RPS23: variants seen among roughly 807,000 people sequenced by gnomAD.
The protein encoded by RPS23 is ribosomal protein S23.
For missense variants in RPS23, 73 were observed against 174.5 expected (o/e 0.42, Z 3.28); for synonymous variants, 66 against 60.4 (o/e 1.09, Z -0.43).
At position 82,275,027 on chromosome 5, in the gene RPS23, G is replaced by T; in HGVS notation, c.*1082C>A. ...TTGCTGGAGCACAAAGTGCCAAGGAGAGAAATGGCAGGCTAAGGCTGGAAT... is the reference window on the plus strand; with the variant it reads ...TTGCTGGAGCACAAAGTGCCAAGGATAGAAATGGCAGGCTAAGGCTGGAAT... On this transcript the variant is annotated 3_prime_UTR_variant, in exon 4 of 4. Coordinates refer to ENST00000296674, the MANE Select transcript of RPS23 (RefSeq NM_001025.5). The T allele has an allele frequency of 1.8e-6, 1 of 569,858 alleles. No individual in the cohort carries two copies. Among genetic ancestry groups the T allele is most frequent in the Non-Finnish European group, 3.1e-6 (1 of 319,962 alleles). 35.3% of individuals were successfully genotyped at this position (569,858 alleles called of 1,614,324 possible).
Position 82,277,676 on chromosome 5 carries a change from G to A in RPS23, c.164+17C>T, listed in dbSNP as rs1451217064. On this transcript the variant is annotated intron_variant, in intron 2 of 3. Transcript: ENST00000296674. Reference sequence around the variant, plus strand: ...TTCCTATAATAAACTAAAACTTGACGGGAGCAATGGACTTACACTTTTTCC... The same window carrying A: ...TTCCTATAATAAACTAAAACTTGACAGGAGCAATGGACTTACACTTTTTCC... The A allele has an allele frequency of 2.5e-6, 4 of 1,612,040 alleles. No homozygotes were observed. Among genetic ancestry groups the A allele is most frequent in the African/African-American group, 1.3e-5 (1 of 74,874 alleles).
rs761960731 is a variant in RPS23, at chr5:82,275,470, C to T, written c.*639G>A. ...AAGATACTGAAAACATCAGTCTTGT[C>T]GTATACCTTATCTCCCTTGCCTGGC... On this transcript the variant is annotated 3_prime_UTR_variant, in exon 4 of 4. Transcript: ENST00000296674. The T allele has an allele frequency of 4.2e-5, 26 of 619,970 alleles. No individual in the cohort carries two copies. The highest frequency in any genetic ancestry group is 1.8e-4 in the Admixed American group (7 of 38,860). 38.4% of individuals were successfully genotyped at this position (619,970 alleles called of 1,614,324 possible).
At position 82,274,719 on chromosome 5, in the gene RPS23, T is replaced by G. The variant is rs1747733248; in HGVS notation, c.*1390A>C. ...CCGCATCACAAAGGATTGGGTCAGT[T>G]AAGGCTCATCCGAAAGCATCTGTTG... On this transcript the variant is annotated 3_prime_UTR_variant, in exon 4 of 4. Coordinates refer to ENST00000296674, the MANE Select transcript of RPS23 (RefSeq NM_001025.5). 6.3e-6 allele frequency: 1 copy of G among 157,504 alleles called. No individual in the cohort carries two copies. The allele number at this position is 157,504 out of a possible 1,614,324, so 9.8% of individuals were successfully genotyped here. A position where few individuals can be genotyped will look rare whatever the true frequency, so the allele number is the denominator to read the frequency against.
At position 82,275,124 on chromosome 5, in the gene RPS23, T is replaced by C. The variant is rs1747744071; in HGVS notation, c.*985A>G. The C allele has an allele frequency of 7.4e-6, 5 of 671,960 alleles. No homozygotes were observed. The highest frequency in any genetic ancestry group is 1.6e-5 in the South Asian group (1 of 61,950). 41.6% of individuals were successfully genotyped at this position (671,960 alleles called of 1,614,324 possible). On this transcript the variant is annotated 3_prime_UTR_variant, in exon 4 of 4. Coordinates refer to ENST00000296674, the MANE Select transcript of RPS23 (RefSeq NM_001025.5). The stretch of plus-strand genomic sequence containing the variant: ...GTTCTGCTCTTGATCCTACGGAAAG[T>C]GGGCAACCAAACCAATTGTTTTCCA...
intron 2 of RPS23, 72 bp downstream of exon 2, chr5:82,277,621 A>G: frequency 1.3e-6 from 2 of 1,485,644 alleles, no homozygotes; most frequent in Non-Finnish European, 1.9e-6. Flanking sequence ...ATTACTTTCA[A>G]AACAAGAATT....
In RPS23 at chr5:82,274,700, C is replaced by T. The variant is rs1345312786; in HGVS notation, c.*1409G>A. The T allele has an allele frequency of 6.5e-6, 1 of 153,104 alleles. No homozygotes were observed. The highest frequency in any genetic ancestry group is 1.5e-5 in the Non-Finnish European group (1 of 68,724). The allele number at this position is 153,104 out of a possible 1,614,324, so 9.5% of individuals were successfully genotyped here. A position where few individuals can be genotyped will look rare whatever the true frequency, so the allele number is the denominator to read the frequency against. ...CGAGGCCTAGCAATCTCTCCCGCAT[C>T]ACAAAGGATTGGGTCAGTTAAGGCT... On this transcript the variant is annotated 3_prime_UTR_variant, in exon 4 of 4. Coordinates refer to ENST00000296674, the MANE Select transcript of RPS23 (RefSeq NM_001025.5).
Position 82,277,994 on chromosome 5 carries a change from G to C in RPS23, c.5-142C>G, listed in dbSNP as rs1179551296. 3 of 796,726 alleles carry C rather than the reference G, an allele frequency of 3.8e-6. No homozygotes were observed. The African/African-American group carries it at 5.2e-5, about 14-fold the overall frequency. The allele number at this position is 796,726 out of a possible 1,614,324, so 49.4% of individuals were successfully genotyped here. On this transcript the variant is annotated intron_variant, in intron 1 of 3. Transcript: ENST00000296674. Reference sequence around the variant, plus strand: ...TTATTGGCCTGTGGGCCAAACATTTGGCCTTCAAGTTGCCCTGAACCGACT... The same window carrying C: ...TTATTGGCCTGTGGGCCAAACATTTCGCCTTCAAGTTGCCCTGAACCGACT...
intron 2 of RPS23, chr5:82,276,762 C>A: frequency 3.9e-6 from 2 of 518,248 alleles, no homozygotes; most frequent in Non-Finnish European, 6.8e-6. Flanking sequence ...GGCCTGTAGT[C>A]CCAACTACTT....
At position 82,275,124 on chromosome 5, in the gene RPS23, T is replaced by A; in HGVS notation, c.*985A>T. 1.5e-6 allele frequency: 1 copy of A among 671,960 alleles called. No individual in the cohort carries two copies. 41.6% of individuals were successfully genotyped at this position (671,960 alleles called of 1,614,324 possible). A position where few individuals can be genotyped will look rare whatever the true frequency, so the allele number is the denominator to read the frequency against. ...GTTCTGCTCTTGATCCTACGGAAAGTGGGCAACCAAACCAATTGTTTTCCA... is the reference window on the plus strand; with the variant it reads ...GTTCTGCTCTTGATCCTACGGAAAGAGGGCAACCAAACCAATTGTTTTCCA... On this transcript the variant is annotated 3_prime_UTR_variant, in exon 4 of 4. Coordinates refer to ENST00000296674, the MANE Select transcript of RPS23 (RefSeq NM_001025.5).
rs1048181990 is a variant in RPS23, at chr5:82,275,956, C to A, written c.*153G>T. The A allele has an allele frequency of 1.9e-5, 13 of 667,180 alleles. No individual in the cohort carries two copies. Among genetic ancestry groups the A allele is most frequent in the Non-Finnish European group, 3.1e-5 (12 of 388,890 alleles). The allele number at this position is 667,180 out of a possible 1,614,324, so 41.3% of individuals were successfully genotyped here. ...GTCTTATTGTCTCCTAAAATTGGTA[C>A]AGGTCCTGCGTTTGCTGGTTTAGGA... On this transcript the variant is annotated 3_prime_UTR_variant, in exon 4 of 4. Coordinates refer to ENST00000296674, the MANE Select transcript of RPS23 (RefSeq NM_001025.5).
Position 82,274,839 on chromosome 5 carries a change from GGA to G in RPS23, c.*1268_*1269del, listed in dbSNP as rs769224216. ...AGGCAGCCTTTCCGCCCTTGCGGAG[GGA>G]GAGACTAGCATCATCATCAAGAGAT... On this transcript the variant is annotated 3_prime_UTR_variant, in exon 4 of 4. Transcript: ENST00000296674. The G allele has an allele frequency of 1.5e-4, 32 of 214,670 alleles. No individual in the cohort carries two copies. Among genetic ancestry groups the G allele is most frequent in the African/African-American group, 5.0e-4 (22 of 43,696 alleles). The allele number at this position is 214,670 out of a possible 1,614,324, so 13.3% of individuals were successfully genotyped here. A position where few individuals can be genotyped will look rare whatever the true frequency, so the allele number is the denominator to read the frequency against.
At position 82,273,960 on chromosome 5, in the gene RPS23, C is replaced by T. The variant is rs1187663356; in HGVS notation, c.*2149G>A. The T allele has an allele frequency of 6.6e-6, 1 of 152,130 alleles. No homozygotes were observed. The highest frequency in any genetic ancestry group is 2.4e-5 in the African/African-American group (1 of 41,416). The allele number at this position is 152,130 out of a possible 1,614,324, so 9.4% of individuals were successfully genotyped here. On this transcript the variant is annotated 3_prime_UTR_variant, in exon 4 of 4. Coordinates refer to ENST00000296674, the MANE Select transcript of RPS23 (RefSeq NM_001025.5). ...ACGGCATGTGCTTTTGGTGTAATGT[C>T]TAAAAACTATACCTACGCCTAGGTT...
At position 82,274,107 on chromosome 5, in the gene RPS23, T is replaced by TG. The variant is rs746752013; in HGVS notation, c.*2001dup. The TG allele has an allele frequency of 6.6e-6, 1 of 152,226 alleles. No homozygotes were observed. The highest frequency in any genetic ancestry group is 1.5e-5 in the Non-Finnish European group (1 of 68,042). The allele number at this position is 152,226 out of a possible 1,614,324, so 9.4% of individuals were successfully genotyped here. A position where few individuals can be genotyped will look rare whatever the true frequency, so the allele number is the denominator to read the frequency against. On this transcript the variant is annotated 3_prime_UTR_variant, in exon 4 of 4. Transcript: ENST00000296674. ...TTCCTTTGTTTTGGTCTTTGACAAA[T>TG]GGAAGTCCACAACATTTATTGAAAC...
In RPS23 at chr5:82,276,003, G is replaced by A. The variant is rs1467273750; in HGVS notation, c.*106C>T. On this transcript the variant is annotated 3_prime_UTR_variant, in exon 4 of 4. Coordinates refer to ENST00000296674, the MANE Select transcript of RPS23 (RefSeq NM_001025.5). ...AGGATAAAAAAAATAAGGGGGGGTG[G>A]TGGTGGTAATGAACATGATCTTCGT... The A allele has an allele frequency of 8.6e-6, 9 of 1,050,054 alleles. No individual in the cohort carries two copies. The highest frequency in any genetic ancestry group is 8.0e-5 in the African/African-American group (5 of 62,662). The allele number at this position is 1,050,054 out of a possible 1,614,324, so 65.0% of individuals were successfully genotyped here. A position where few individuals can be genotyped will look rare whatever the true frequency, so the allele number is the denominator to read the frequency against.
At position 82,274,203 on chromosome 5, in the gene RPS23, A is replaced by G. The variant is rs1025935991; in HGVS notation, c.*1906T>C. 6.6e-6 allele frequency: 1 copy of G among 152,016 alleles called. No homozygotes were observed. The highest frequency in any genetic ancestry group is 3.2e-3 in the Middle Eastern group (1 of 316). 9.4% of individuals were successfully genotyped at this position (152,016 alleles called of 1,614,324 possible). A position where few individuals can be genotyped will look rare whatever the true frequency, so the allele number is the denominator to read the frequency against. On this transcript the variant is annotated 3_prime_UTR_variant, in exon 4 of 4. Coordinates refer to ENST00000296674, the MANE Select transcript of RPS23 (RefSeq NM_001025.5). ...CTGAATGTCTATTTATGGATTCCCTATCTTATTTTATTGATGTGTATTTTT... is the reference window on the plus strand; with the variant it reads ...CTGAATGTCTATTTATGGATTCCCTGTCTTATTTTATTGATGTGTATTTTT...
rs752338575 is a variant in RPS23 at position 82,275,658 on chromosome 5, G to C, written c.*451C>G. On this transcript the variant is annotated 3_prime_UTR_variant, in exon 4 of 4. Transcript: ENST00000296674. ...TTGGGCCCCTGTAAGATGGATACAA[G>C]AATGTGCATTTCCAAGGGTACCTAA... is the stretch of plus-strand genomic sequence containing the variant. 3.6e-6 allele frequency: 1 copy of C among 280,778 alleles called. No homozygotes were observed. The highest frequency in any genetic ancestry group is 7.2e-5 in the East Asian group (1 of 13,874). The allele number at this position is 280,778 out of a possible 1,614,324, so 17.4% of individuals were successfully genotyped here.
chr5:82,276,548 C>G, intron 2 of RPS23, 30 bp from the exon 3 acceptor site: 2 of 1,610,916 alleles, frequency 1.2e-6, no homozygotes, highest in Non-Finnish European at 1.7e-6. Context: ...GCACTGTGAG[C>G]TGGCTTTCTG....
chr5:82,278,215 G>C (rs1748001833), intron 1 of RPS23, 105 bp downstream of exon 1: 1 of 1,069,064 alleles, frequency 9.4e-7, no homozygotes, highest in Non-Finnish European at 1.4e-6. Context: ...CCCCCATGGA[G>C]CCTCTCCATG....
chr5:82,276,631 A>C, intron 2 of RPS23, 113 bp from the exon 3 acceptor site: 6 of 1,352,974 alleles, frequency 4.4e-6, no homozygotes, highest in East Asian at 4.7e-5. Flanking sequence ...CTAACCTCAA[A>C]TGGCTGAGCT....
Sources: allele counts gnomAD v4.1 joint callset, GRCh38; gene constraint gnomAD v4.1.1; transcripts MANE v1.5; gene names NCBI Gene and HGNC (gene_info 2026-07-23, HGNC 2026-07-21).